The following ABCA3 variants were observed in gnomAD, a reference collection of about 807,000 sequenced individuals.
ABCA3 encodes ATP binding cassette subfamily A member 3.
Under a neutral mutation model 172.8 loss-of-function variants are expected in ABCA3, and 88 were observed. The observed-to-expected ratio is 0.51, with a 90% confidence interval of 0.43 to 0.61. The LOEUF (loss-of-function observed/expected upper bound fraction) is 0.61, where lower values mean the gene tolerates loss of function less well. Among genes scored for constraint, ABCA3 ranks in the 20% least tolerant of loss-of-function variants. ABCA3 has a pLI of 0.00. For synonymous variants in ABCA3, 1,066 were observed against 983.8 expected (o/e 1.08, Z -1.56); for missense variants, 2,164 against 2,301.0 (o/e 0.94, Z 1.22).
In ABCA3 at chr16:2,291,807, C is replaced by T. The variant is rs1368811478; in HGVS notation, c.2513+333G>A. Reference sequence around the variant, plus strand: ...AGAAGTCCTCGGCTGAGCACGGTGCCTCACGCCTGTAATACCAGCACTTTG... The same window carrying T: ...AGAAGTCCTCGGCTGAGCACGGTGCTTCACGCCTGTAATACCAGCACTTTG... On this transcript the variant is annotated intron_variant, in intron 19 of 32. Transcript: ENST00000301732. Among the ~76,000 whole-genome samples, 7 of 152,284 alleles carry T rather than the reference C, an allele frequency of 4.6e-5. No homozygotes were observed. The South Asian group carries it at 1.0e-3, about 23-fold the overall frequency.
intron 14 of ABCA3, 64 bp downstream of exon 14, chr16:2,299,339 G>A: frequency 1.2e-6 from 2 of 1,603,126 alleles, no homozygotes; most frequent in Non-Finnish European, 1.7e-6. Context: ...AGGCGGGGCT[G>A]GCGCTGAGAT....
intron 1 of ABCA3, chr16:2,332,234 T>TA (rs2093744396): frequency 5.3e-6 from 1 of 189,140 alleles, no homozygotes; most frequent in Non-Finnish European, 1.1e-5. Context: ...CCTCCATTTC[T>TA]TTTTTTTTTT....
At chr16:2,317,023 T>C (rs1383964081) in intron 10 of ABCA3, among the ~76,000 whole-genome samples, 1 of 152,212 alleles carries the variant, frequency 6.6e-6, no homozygotes, top group African/African-American at 2.4e-5. Flanking sequence ...GGGCTCACTG[T>C]CCTCACTTCT....
Position 2,308,501 on chromosome 16 carries a change from T to C in ABCA3, c.1234A>G (p.Asn412Asp). 1 of 1,614,162 alleles carries C rather than the reference T, an allele frequency of 6.2e-7. No homozygotes were observed. The highest frequency in any genetic ancestry group is 8.5e-7 in the Non-Finnish European group (1 of 1,180,018). Residue 412 changes from asparagine to aspartate, a missense_variant, in exon 11 of 33, where the codon AAT becomes GAT. Asn to Asp is a conservative substitution (Grantham distance 23, BLOSUM62 1). Around this residue, in one of 3 missense-constraint regions of ABCA3, gnomAD observed 1,343 missense variants for 1,369.6 expected, o/e 0.98. Coordinates refer to ENST00000301732, the MANE Select transcript of ABCA3 (RefSeq NM_001089.3). ...TGGGCTCCCATTGCCATGGCGACAT[T>C]AGACAGGAGGCAGGAGCAGAGCTTC... ...SQKLCSCLLSNVAMAMGAQLI... is the reference protein window; with the variant it reads ...SQKLCSCLLSDVAMAMGAQLI...
At position 2,319,804 on chromosome 16, in the gene ABCA3, G is replaced by A; in HGVS notation, c.650C>T (p.Ala217Val). 6.2e-7 allele frequency: 1 copy of A among 1,614,046 alleles called. No individual in the cohort carries two copies. Among genetic ancestry groups the A allele is most frequent in the Non-Finnish European group, 8.5e-7 (1 of 1,180,026 alleles). The change falls in exon 8 of 33, where the codon GCT becomes GTT. Residue 217 changes from alanine (A) to valine (V), a missense_variant. This residue lies in a region of ABCA3 where 1,343 missense variants were observed against 1,369.6 expected (regional missense o/e 0.98). Coordinates refer to ENST00000301732, the MANE Select transcript of ABCA3 (RefSeq NM_001089.3). ...IREGFLAVQH[A>V]VDRAIMEYHA... Reference sequence around the variant, plus strand: ...GTACTCCATGATGGCCCGGTCCACAGCATGCTGCACGGCCAGGAAGCCTTC... The same window carrying A: ...GTACTCCATGATGGCCCGGTCCACAACATGCTGCACGGCCAGGAAGCCTTC...
chr16:2,336,268 G>A (rs896546559), intron 1 of ABCA3, among the ~76,000 whole-genome samples: 1 of 152,128 alleles, frequency 6.6e-6, no homozygotes, highest in African/African-American at 2.4e-5. Context: ...TACCCTGATA[G>A]CCCCTGAACA....
At position 2,299,428 on chromosome 16, in the gene ABCA3, C is replaced by T. The variant is rs753794159; in HGVS notation, c.1716G>A (p.Lys572=). 8.1e-6 allele frequency: 13 copies of T among 1,613,672 alleles called. No homozygotes were observed. Among genetic ancestry groups the T allele is most frequent in the Non-Finnish European group, 9.3e-6 (11 of 1,179,974 alleles). Residue 572 remains lysine, a synonymous_variant, in exon 14 of 33, where the codon AAG becomes AAA. Coordinates refer to ENST00000301732, the MANE Select transcript of ABCA3 (RefSeq NM_001089.3). ...CTGTGAGCATGGAGAGGGTGGTGGT[C>T]TTCCCGGCACCGTTGTGGCCCAGCA... ...TVLLGHNGAG[K]TTTLSMLTGL...
Position 2,278,418 on chromosome 16 carries a change from T to A in ABCA3, c.4588A>T (p.Ile1530Phe). 2 of 1,612,926 alleles carry A rather than the reference T, an allele frequency of 1.2e-6. No individual in the cohort carries two copies. Among genetic ancestry groups the A allele is most frequent in the Non-Finnish European group, 1.7e-6 (2 of 1,180,014 alleles). The change falls in exon 30 of 33, where the codon ATC becomes TTC. Residue 1530 changes from isoleucine (I) to phenylalanine (F), a missense_variant. Around this residue, in one of 3 missense-constraint regions of ABCA3, gnomAD observed 795 missense variants for 881.9 expected, o/e 0.90. Coordinates refer to ENST00000301732, the MANE Select transcript of ABCA3 (RefSeq NM_001089.3). This position sits in a 1 kb window ranked among gnomAD's most constrained non-coding sequence, Gnocchi z 4.4. ...AGGAAGATGACAGCAGGCTCTCCGA[T>A]CAGGGCGATGCCGGTGCTCAGCTTC... ...KRKLSTGIAL[I>F]GEPAVIFLDE...
rs1477137659 is a variant in ABCA3, at chr16:2,285,915, G to A, written c.3279-269C>T. Among the ~76,000 whole-genome samples, 1 of 152,228 alleles carries A rather than the reference G, an allele frequency of 6.6e-6. No individual in the cohort carries two copies. The highest frequency in any genetic ancestry group is 1.9e-4 in the East Asian group (1 of 5,194). The stretch of plus-strand genomic sequence containing the variant: ...GCTCCCAGCCCTCAGCCCCACGGCT[G>A]CCGGCGACCTTGCCCAGGTGTGGAG... On this transcript the variant is annotated intron_variant, in intron 22 of 32. Transcript: ENST00000301732. This position sits in a 1 kb window ranked among gnomAD's most constrained non-coding sequence, Gnocchi z 4.7.
chr16:2,307,310 C>G (rs1413617432), intron 11 of ABCA3, among the ~76,000 whole-genome samples: 1 of 152,054 alleles, frequency 6.6e-6, no homozygotes, highest in Non-Finnish European at 1.5e-5. Flanking sequence ...AATCCTAGCA[C>G]TTTCGGAGGC....
At chr16:2,326,312 A>T in intron 4 of ABCA3, 38 bp from the exon 5 acceptor site, 1 of 1,611,504 alleles carries the variant, frequency 6.2e-7, no homozygotes. Context: ...ATGGGCTGCA[A>T]GGCAGAAGCA....
At chr16:2,316,307 T>A (rs1428724885) in intron 10 of ABCA3, among the ~76,000 whole-genome samples, 4 of 50,154 alleles carry the variant, frequency 8.0e-5, no homozygotes, top group African/African-American at 8.1e-5. Flanking sequence ...AGAGGCAGTC[T>A]CAAAAAAAAA....
intron 19 of ABCA3, among the ~76,000 whole-genome samples, chr16:2,290,567 C>A (rs1388316193): frequency 6.6e-6 from 1 of 152,196 alleles, no homozygotes; most frequent in African/African-American, 2.4e-5. Context: ...ACCCTCAGAG[C>A]CGGCTGACTC....
At chr16:2,330,733 C>T (rs531642854) in intron 1 of ABCA3, among the ~76,000 whole-genome samples, 50 of 130,780 alleles carry the variant, frequency 3.8e-4, no homozygotes, top group African/African-American at 1.3e-3. Context: ...GAGTCTTACT[C>T]TGTCTCCCAG....
intron 1 of ABCA3, chr16:2,332,617 G>T: frequency 5.0e-6 from 8 of 1,586,998 alleles, no homozygotes; most frequent in Non-Finnish European, 6.0e-6. Flanking sequence ...GTACTGTAGC[G>T]TGGGCGGCTC....
At position 2,300,103 on chromosome 16, in the gene ABCA3, C is replaced by T. The variant is rs2093686612; in HGVS notation, c.1513G>A (p.Glu505Lys). 1 of 1,613,670 alleles carries T rather than the reference C, an allele frequency of 6.2e-7. No individual in the cohort carries two copies. Among genetic ancestry groups the T allele is most frequent in the Non-Finnish European group, 8.5e-7 (1 of 1,179,934 alleles). ...GKPRAVAGKE[E>K]EDSDPEKALR... ...GCTTTCTCGGGGTCACTGTCTTCTT[C>T]CTCCTTCCCTGCAACCGCCCTTGGC... Residue 505 changes from glutamate to lysine, a missense_variant, in exon 13 of 33, where the codon GAA becomes AAA. Transcript: ENST00000301732.
rs201051125 is a variant in ABCA3 at position 2,283,288 on chromosome 16, G to A, written c.3933C>T (p.Ala1311=). ...PGVGRFVASM[A]ASGCAYLILL... is the part of the protein sequence containing the mutation. ...GGATGAGGTAGGCGCACCCTGAGGC[G>A]GCCATGGAGGCCACAAACCGGCCGA... is the stretch of plus-strand genomic sequence containing the variant. Residue 1311 remains alanine (A), a synonymous_variant, in exon 26 of 33, where the codon GCC becomes GCT. Coordinates refer to ENST00000301732, the MANE Select transcript of ABCA3 (RefSeq NM_001089.3). The surrounding 1 kb of genome is among the most constrained non-coding windows in gnomAD (Gnocchi z 5.4). 27 of 1,613,286 alleles carry A rather than the reference G, an allele frequency of 1.7e-5. No individual in the cohort carries two copies. The African/African-American group carries it at 2.4e-4, about 14-fold the overall frequency.
rs1248093920 is a variant in ABCA3, at chr16:2,317,171, T to G, written c.1111+112A>C. On this transcript the variant is annotated intron_variant, in intron 10 of 32. Transcript: ENST00000301732. ...AACCTTCCCCTGGTCAGCTCCTCCCTGGGCAGCTCCACCAGGCCACTCTCC... is the reference window on the plus strand; with the variant it reads ...AACCTTCCCCTGGTCAGCTCCTCCCGGGGCAGCTCCACCAGGCCACTCTCC... 103 of 1,508,790 alleles carry G rather than the reference T, an allele frequency of 6.8e-5. No homozygotes were observed. The Middle Eastern group carries it at 1.2e-3, about 17-fold the overall frequency. 93.5% of individuals were successfully genotyped at this position (1,508,790 alleles called of 1,614,324 possible). A position where few individuals can be genotyped will look rare whatever the true frequency, so the allele number is the denominator to read the frequency against.
chr16:2,324,333 A>G, intron 6 of ABCA3, 71 bp downstream of exon 6: 2 of 1,531,692 alleles, frequency 1.3e-6, no homozygotes, highest in East Asian at 2.4e-5. Context: ...TACAGGTTGA[A>G]CTAGTGACGC....
Sources: gnomAD v4.1 joint callset for allele counts (sites outside exome capture counted in the v4.1 genomes callset) on GRCh38, gnomAD v4.1.1 for gene constraint, gnomAD v4.1.1 regional missense constraint, Gnocchi (gnomAD v3.1) non-coding constraint, MANE v1.5 for transcripts, NCBI Gene and HGNC (gene_info 2026-07-23, HGNC 2026-07-21) for gene names.